Variants in LPAR5 observed in about 807,000 individuals in gnomAD.
The protein encoded by LPAR5 is G protein-coupled receptor 92.
For missense variants in LPAR5, 544 were observed against 521.8 expected (o/e 1.04, Z -0.41); for synonymous variants, 271 against 261.6 (o/e 1.04, Z -0.35).
exon 1 of LPAR5, chr12:6,635,957 TCTGGG>T (rs370119475): frequency 0.021 from 3,245 of 153,314 alleles, 122 homozygotes; most frequent in African/African-American, 0.073. Flanking sequence ...CGCTGCCTGC[TCTGGG>T]CTGGGCTGGG....
chr12:6,622,352 T>TG (rs1160393939), intron 1 of LPAR5, among the ~76,000 whole-genome samples: 2 of 141,150 alleles, frequency 1.4e-5, no homozygotes, highest in Admixed American at 7.2e-5. Context: ...TGCTTGAACC[T>TG]GGGGGGTGGA....
chr12:6,628,286 G>A (rs1284066117), intron 1 of LPAR5, among the ~76,000 whole-genome samples: 1 of 152,120 alleles, frequency 6.6e-6, no homozygotes, highest in Admixed American at 6.5e-5. Flanking sequence ...CTCTCAAAGA[G>A]CTGGGATTAC....
In LPAR5 at chr12:6,628,539, C is replaced by A. The variant is rs533069129; in HGVS notation, c.-216-7075G>T. ...GAAGTGGCAGAATCTCGGCTCACTG[C>A]AACCTCCGCCTCCCGGGTTCAAGTG... On this transcript the variant is annotated intron_variant, in intron 1 of 1. Transcript: ENST00000329858. Among the ~76,000 whole-genome samples the A allele has an allele frequency of 4.6e-5, 7 of 152,192 alleles. No homozygotes were observed. In the East Asian group the frequency reaches 1.2e-3, roughly 25 times the overall value.
At position 6,620,241 on chromosome 12, in the gene LPAR5, G is replaced by A; in HGVS notation, c.1008C>T (p.Ala336=). 1 of 1,611,022 alleles carries A rather than the reference G, an allele frequency of 6.2e-7. No individual in the cohort carries two copies. Residue 336 remains alanine (A), a synonymous_variant, in exon 2 of 2, where the codon GCC becomes GCT. Transcript: ENST00000329858. This position sits in a 1 kb window ranked among gnomAD's most constrained non-coding sequence, Gnocchi z 6.8. ...CCGGCCTGGTGGCGTCGGTGGTGAC[G>A]GCGGACCTTTCGGATTGCGCGAGCG... The part of the protein sequence containing the change: ...RAALAQSERS[A]VTTDATRPDA...
intron 1 of LPAR5, among the ~76,000 whole-genome samples, chr12:6,632,738 C>A (rs1948987982): frequency 6.6e-6 from 1 of 152,184 alleles, no homozygotes; most frequent in South Asian, 2.1e-4. Flanking sequence ...TCCTGAGGGG[C>A]AGGGATGAGA....
chr12:6,620,902 T>G lies in LPAR5; in HGVS notation c.347A>C (p.Asn116Thr), dbSNP rs770023887. 1 of 1,591,846 alleles carries G rather than the reference T, an allele frequency of 6.3e-7. No individual in the cohort carries two copies. Among genetic ancestry groups the G allele is most frequent in the South Asian group, 1.1e-5 (1 of 88,156 alleles). ...CACGATGGCGGCGTAGCGGTCCACG[T>G]TGATGAGCATCAGGAAGATGCAGCT... Reference protein sequence around the residue: ...YGSCIFLMLINVDRYAAIVHP... With the variant: ...YGSCIFLMLITVDRYAAIVHP... Residue 116 changes from asparagine (N) to threonine (T), a missense_variant, in exon 2 of 2, where the codon AAC (asparagine) becomes ACC (threonine). Physicochemically the swap from Asn to Thr is moderately conservative, Grantham distance 65. Coordinates refer to ENST00000329858, the MANE Select transcript of LPAR5 (RefSeq NM_020400.6). The surrounding 1 kb of genome is among the most constrained non-coding windows in gnomAD (Gnocchi z 6.8).
rs773905356 is a variant in LPAR5, at chr12:6,620,737, T to G, written c.512A>C (p.Glu171Ala). Reference protein sequence around the residue: ...RPSRCRYRDLEVRLCFESFSD... With the variant: ...RPSRCRYRDLAVRLCFESFSD... Reference sequence around the variant, plus strand: ...GAAGCTCTCGAAGCATAGGCGCACCTCGAGGTCCCGGTAGCGGCAACGCGA... The same window carrying G: ...GAAGCTCTCGAAGCATAGGCGCACCGCGAGGTCCCGGTAGCGGCAACGCGA... The change falls in exon 2 of 2, where the codon GAG becomes GCG. Residue 171 changes from glutamate to alanine, a missense_variant. Coordinates refer to ENST00000329858, the MANE Select transcript of LPAR5 (RefSeq NM_020400.6). The surrounding 1 kb of genome is among the most constrained non-coding windows in gnomAD (Gnocchi z 6.8). The G allele has an allele frequency of 3.1e-6, 5 of 1,590,250 alleles. No individual in the cohort carries two copies. The highest frequency in any genetic ancestry group is 4.3e-6 in the Non-Finnish European group (5 of 1,168,668).
chr12:6,620,766 C>A lies in LPAR5; in HGVS notation c.483G>T (p.Arg161Ser). 1 of 1,590,636 alleles carries A rather than the reference C, an allele frequency of 6.3e-7. No individual in the cohort carries two copies. The highest frequency in any genetic ancestry group is 1.1e-5 in the South Asian group (1 of 88,500). Residue 161 changes from arginine to serine, a missense_variant, in exon 2 of 2, where the codon AGG (arginine) becomes AGT (serine). Physicochemically the swap from Arg to Ser is moderately radical, Grantham distance 110. Transcript: ENST00000329858. The surrounding 1 kb of genome is among the most constrained non-coding windows in gnomAD (Gnocchi z 6.8). The stretch of plus-strand genomic sequence containing the variant: ...GGTCCCGGTAGCGGCAACGCGAGGG[C>A]CTGTGCACGCGGGCGGCGGGCACGG... ...VFAVPAARVH[R>S]PSRCRYRDLE...
At position 6,629,943 on chromosome 12, in the gene LPAR5, G is replaced by C. The variant is rs1948970838; in HGVS notation, c.-217+5964C>G. ...GGAGGCTGAGGCAGGAGAATCCCTTGAACCCAGGAGGCGGAAGTTGCAGTG... is the reference window on the plus strand; with the variant it reads ...GGAGGCTGAGGCAGGAGAATCCCTTCAACCCAGGAGGCGGAAGTTGCAGTG... On this transcript the variant is annotated intron_variant, in intron 1 of 1. Coordinates refer to ENST00000329858, the MANE Select transcript of LPAR5 (RefSeq NM_020400.6). Among the ~76,000 whole-genome samples, 4 of 151,880 alleles carry C rather than the reference G, an allele frequency of 2.6e-5. No homozygotes were observed. In the South Asian group the frequency reaches 8.3e-4, roughly 32 times the overall value.
rs528498474 is a variant in LPAR5, at chr12:6,622,060, A to G, written c.-216-596T>C. Among the ~76,000 whole-genome samples, 12 of 151,950 alleles carry G rather than the reference A, an allele frequency of 7.9e-5. No homozygotes were observed. In the South Asian group the frequency reaches 2.3e-3, roughly 29 times the overall value. Reference sequence around the variant, plus strand: ...GGAGAATCGCTTGAAACCAGGAGGCAGAGGTTGCAGTGAGCTGAGACTGTG... The same window carrying G: ...GGAGAATCGCTTGAAACCAGGAGGCGGAGGTTGCAGTGAGCTGAGACTGTG... On this transcript the variant is annotated intron_variant, in intron 1 of 1. Transcript: ENST00000329858.
rs1487550219 is a variant in LPAR5, at chr12:6,619,817, T to C, written c.*313A>G. Reference sequence around the variant, plus strand: ...TTTTCTGTTCCATCTAACCAGCTTTTAGCAGTTTAATGCCCTGCCCACCCA... The same window carrying C: ...TTTTCTGTTCCATCTAACCAGCTTTCAGCAGTTTAATGCCCTGCCCACCCA... On this transcript the variant is annotated 3_prime_UTR_variant, in exon 2 of 2. Transcript: ENST00000329858. 2.0e-6 allele frequency: 1 copy of C among 511,980 alleles called. No homozygotes were observed. Among genetic ancestry groups the C allele is most frequent in the Non-Finnish European group, 3.7e-6 (1 of 271,532 alleles). 31.7% of individuals were successfully genotyped at this position (511,980 alleles called of 1,614,324 possible).
chr12:6,630,433 C>CTTTTTTTTTTTTTTTTTTTTTT lies in LPAR5; in HGVS notation c.-217+5452_-217+5473dup. 4.8e-5 allele frequency among the ~76,000 whole-genome samples: 2 copies of CTTTTTTTTTTTTTTTTTTTTTT among 41,826 alleles called. 1 individual carries two copies. Among genetic ancestry groups the CTTTTTTTTTTTTTTTTTTTTTT allele is most frequent in the Non-Finnish European group, 8.7e-5 (2 of 22,928 alleles). The allele number at this position is 41,826 out of a possible 152,430, so 27.4% of individuals were successfully genotyped here. On this transcript the variant is annotated intron_variant, in intron 1 of 1. Transcript: ENST00000329858. The stretch of plus-strand genomic sequence containing the variant: ...GAGTGAACCACTGCACCCAGCCCAT[C>CTTTTTTTTTTTTTTTTTTTTTT]TTTTTTTTTTTTTTTTTTTTTTTTT...
Position 6,621,280 on chromosome 12 carries a change from G to A in LPAR5, c.-32C>T. On this transcript the variant is annotated 5_prime_UTR_variant, in exon 2 of 2. Coordinates refer to ENST00000329858, the MANE Select transcript of LPAR5 (RefSeq NM_020400.6). The stretch of plus-strand genomic sequence containing the variant: ...AAAGTGGGATTGGGAGCTAGGCTGG[G>A]GATGCCATGGAGCACACCAGAATCA... 1.4e-6 allele frequency: 2 copies of A among 1,479,108 alleles called. No individual in the cohort carries two copies. The highest frequency in any genetic ancestry group is 1.8e-6 in the Non-Finnish European group (2 of 1,115,222). 91.6% of individuals were successfully genotyped at this position (1,479,108 alleles called of 1,614,324 possible).
At chr12:6,634,092 G>A (rs374541333) in intron 1 of LPAR5, among the ~76,000 whole-genome samples, 3 of 151,854 alleles carry the variant, frequency 2.0e-5, no homozygotes, top group African/African-American at 7.3e-5. Context: ...TGCAACCTCC[G>A]CCTCCCGGGT....
chr12:6,632,583 ATC>A (rs1343258558), intron 1 of LPAR5, among the ~76,000 whole-genome samples: 1 of 152,166 alleles, frequency 6.6e-6, no homozygotes, highest in African/African-American at 2.4e-5. Flanking sequence ...AAGACTCAGT[ATC>A]TCTGTATCCA....
chr12:6,625,350 G>A (rs942037097), intron 1 of LPAR5, among the ~76,000 whole-genome samples: 5 of 150,174 alleles, frequency 3.3e-5, no homozygotes, highest in South Asian at 2.1e-4. Flanking sequence ...GCATGAACCC[G>A]GGAGGCGGAG....
chr12:6,624,574 A>C (rs961102137), intron 1 of LPAR5, among the ~76,000 whole-genome samples: 4 of 152,172 alleles, frequency 2.6e-5, no homozygotes, highest in African/African-American at 9.7e-5. Flanking sequence ...TAATGTTTCC[A>C]AGATCTATTC....
Position 6,633,535 on chromosome 12 carries a change from C to T in LPAR5, c.-217+2372G>A, listed in dbSNP as rs545363356. Among the ~76,000 whole-genome samples, 19 of 152,226 alleles carry T rather than the reference C, an allele frequency of 1.2e-4. 1 individual carries two copies. The highest frequency in any genetic ancestry group is 3.6e-4 in the African/African-American group (15 of 41,542). ...TCACGCAATTCTCCTGCCTCAGTCT[C>T]CCGAGTAGCTGAGACTACAGGCGCC... On this transcript the variant is annotated intron_variant, in intron 1 of 1. Coordinates refer to ENST00000329858, the MANE Select transcript of LPAR5 (RefSeq NM_020400.6).
intron 1 of LPAR5, among the ~76,000 whole-genome samples, chr12:6,622,735 T>C (rs1262970847): frequency 2.5e-4 from 38 of 150,776 alleles, no homozygotes; most frequent in Non-Finnish European, 1.5e-5. Flanking sequence ...AGAGCAAGAC[T>C]CTGTCTCAAA....
Sources: allele counts gnomAD v4.1 joint callset (sites outside exome capture counted in the v4.1 genomes callset), GRCh38; gene constraint gnomAD v4.1.1; non-coding constraint Gnocchi (gnomAD v3.1); transcripts MANE v1.5; gene names NCBI Gene and HGNC (gene_info 2026-07-23, HGNC 2026-07-21).